Variants in SLC19A1 observed in about 807,000 individuals in gnomAD.
SLC19A1 encodes the protein solute carrier family 19 member 1.
In SLC19A1, 37 loss-of-function variants were observed where a neutral mutation model predicts 35.3. The observed-to-expected ratio is 1.05, with a 90% CI of 0.81 to 1.38. The LOEUF (loss-of-function observed/expected upper bound fraction) is 1.38. SLC19A1 is among the 40% of genes most tolerant of loss of function. SLC19A1 has a pLI of 0.00. For missense variants in SLC19A1, 831 were observed against 826.9 expected (o/e 1.00, Z -0.06); for synonymous variants, 460 against 398.5 (o/e 1.15, Z -1.84).
chr21:45,530,644 G>A lies in SLC19A1; in HGVS notation c.1151+126C>T, dbSNP rs932798582. ...AAGTGGGGACCCTGGTCAGCTCCAG[G>A]TGGCTGGCGGGGCCAGCAGTGGCAC... On this transcript the variant is annotated intron_variant, in intron 4 of 5. Transcript: ENST00000311124. This position sits in a 1 kb window ranked among gnomAD's most constrained non-coding sequence, Gnocchi z 5.3. The A allele has an allele frequency of 3.6e-5, 36 of 986,828 alleles. No homozygotes were observed. In the African/African-American group the frequency reaches 5.9e-4, roughly 16 times the overall value. The allele number at this position is 986,828 out of a possible 1,614,324, so 61.1% of individuals were successfully genotyped here.
chr21:45,510,772 C>T (rs2146132161), downstream of SLC19A1, among the ~76,000 whole-genome samples: 1 of 152,290 alleles, frequency 6.6e-6, no homozygotes, highest in Middle Eastern at 3.4e-3. Flanking sequence ...GGTCAGAGAC[C>T]CAGGGCTGGG....
Position 45,515,862 on chromosome 21 carries a change from G to T in SLC19A1, c.1572C>A (p.Tyr524Ter). Reference protein sequence around the residue: ...ASLEQRQSDPYLAQAPAPQAA... With the variant: ...ASLEQRQSDP Reference sequence around the variant, plus strand: ...CCTGCGGGGCCGGGGCCTGGGCCAGGTATGGGTCGCTCTGTCTCTGCTCCA... The same window carrying T: ...CCTGCGGGGCCGGGGCCTGGGCCAGTTATGGGTCGCTCTGTCTCTGCTCCA... The change falls in exon 6 of 6, where the codon TAC (tyrosine) becomes TAA (stop). Residue 524 changes from tyrosine (Y) to a stop codon, truncating the protein, a stop_gained. Transcript: ENST00000311124. LOFTEE classifies it low-confidence loss of function (END_TRUNC). The T allele has an allele frequency of 6.3e-7, 1 of 1,589,742 alleles. No individual in the cohort carries two copies. The highest frequency in any genetic ancestry group is 1.1e-5 in the South Asian group (1 of 87,974).
intron 1 of SLC19A1, among the ~76,000 whole-genome samples, chr21:45,556,160 C>A (rs947359220): frequency 2.0e-5 from 3 of 152,350 alleles, no homozygotes; most frequent in East Asian, 1.9e-4. Flanking sequence ...CCGTTCCAGT[C>A]CCCGGAAGAG....
chr21:45,508,124 CGGGT>C (rs2037337410), downstream of SLC19A1, among the ~76,000 whole-genome samples: 1 of 100,826 alleles, frequency 9.9e-6, no homozygotes, highest in Non-Finnish European at 2.0e-5. Context: ...GGTGAGTGGA[CGGGT>C]GGGTGGGTGG....
At position 45,530,084 on chromosome 21, in the gene SLC19A1, G is replaced by A. The variant is rs921554962; in HGVS notation, c.1151+686C>T. Among the ~76,000 whole-genome samples the A allele has an allele frequency of 9.3e-5, 14 of 149,838 alleles. No individual in the cohort carries two copies. Among genetic ancestry groups the A allele is most frequent in the South Asian group, 2.1e-4 (1 of 4,662 alleles). ...ATCTGTGAGCATGTGGTGTGTGTTC[G>A]TGTGTGGTGTGTCTGTGTGGTGTAT... On this transcript the variant is annotated intron_variant, in intron 4 of 5. Transcript: ENST00000311124. This position sits in a 1 kb window ranked among gnomAD's most constrained non-coding sequence, Gnocchi z 5.3.
intron 5 of SLC19A1, among the ~76,000 whole-genome samples, chr21:45,523,282 G>A (rs565382991): frequency 3.3e-5 from 5 of 152,316 alleles, no homozygotes; most frequent in Admixed American, 2.6e-4. Context: ...GTCCAGCCAT[G>A]AGCAAAATGC....
rs1420163735 is a variant in SLC19A1, at chr21:45,512,852, A to ACACT, written c.*2802_*2805dup. On this transcript the variant is annotated 3_prime_UTR_variant, in exon 6 of 6. Coordinates refer to ENST00000311124, the MANE Select transcript of SLC19A1 (RefSeq NM_194255.4). ...CCGTGAGGCAATGGGAGCTGAGGCC[A>ACACT]CACTCAGCACAAGGCCATCTGGGCT... is the stretch of plus-strand genomic sequence containing the variant. 4.4e-5 allele frequency: 12 copies of ACACT among 274,600 alleles called. No homozygotes were observed. The East Asian group carries it at 5.1e-4, about 12-fold the overall frequency. The allele number at this position is 274,600 out of a possible 1,614,324, so 17.0% of individuals were successfully genotyped here.
In SLC19A1 at chr21:45,552,059, C is replaced by T. The variant is rs566961521; in HGVS notation, c.-50+10683G>A. On this transcript the variant is annotated intron_variant, in intron 1 of 5. Transcript: ENST00000650808. ...AGAGCATGGGGTGGAATTTGCTTTT[C>T]TACAAAAGGTGTCTGCCCGAGTGTC... is the stretch of plus-strand genomic sequence containing the variant. Among the ~76,000 whole-genome samples the T allele has an allele frequency of 2.0e-4, 30 of 152,270 alleles. No individual in the cohort carries two copies. The South Asian group carries it at 2.9e-3, about 15-fold the overall frequency.
chr21:45,534,949 G>C lies in SLC19A1; in HGVS notation c.190-2801C>G, dbSNP rs765267051. On this transcript the variant is annotated intron_variant, in intron 2 of 5. Transcript: ENST00000311124. The surrounding 1 kb of genome is among the most constrained non-coding windows in gnomAD (Gnocchi z 4.2). ...GTCCAGGCTGAATGGGCAGAGTGCA[G>C]GCAGCTGCGCCCAAATCTACGTCCA... 3.3e-5 allele frequency among the ~76,000 whole-genome samples: 5 copies of C among 152,274 alleles called. No homozygotes were observed. The highest frequency in any genetic ancestry group is 7.3e-5 in the Non-Finnish European group (5 of 68,046).
intron 5 of SLC19A1, 74 bp from the exon 6 acceptor site, chr21:45,516,214 G>T: frequency 8.5e-7 from 1 of 1,177,434 alleles, no homozygotes; most frequent in Non-Finnish European, 1.2e-6. Flanking sequence ...CCCGACGCCT[G>T]CTCCCAGGCT....
chr21:45,512,230 C>G (rs753224278), downstream of SLC19A1: 6 of 1,612,382 alleles, frequency 3.7e-6, no homozygotes, highest in East Asian at 6.7e-5. Flanking sequence ...CCAACGGGCG[C>G]AGGCTGACCG....
rs376457427 is a variant in SLC19A1, at chr21:45,504,380, T to C, written c.498-5768A>G. 10 of 1,602,022 alleles carry C rather than the reference T, an allele frequency of 6.2e-6. No individual in the cohort carries two copies. In the African/African-American group the frequency reaches 1.3e-4, roughly 21 times the overall value. ...GAGGCCACCTGTGGCTTGTAGGGGT[T>C]CAGGGCTCCCGTGTAACAAGTGTTT... On this transcript the variant is annotated intron_variant, in intron 3 of 4. Coordinates refer to the SLC19A1 transcript ENST00000417954.
chr21:45,558,118 C>T (rs1265151101), intron 1 of SLC19A1, among the ~76,000 whole-genome samples: 2 of 152,250 alleles, frequency 1.3e-5, no homozygotes, highest in East Asian at 3.8e-4. Context: ...TTAGCACGTC[C>T]CGTGCTGACG....
chr21:45,547,296 A>T (rs927857329), upstream of SLC19A1, among the ~76,000 whole-genome samples: 2 of 152,210 alleles, frequency 1.3e-5, no homozygotes, highest in African/African-American at 4.8e-5. Context: ...TAAACTTCTA[A>T]GCCCCCAACC....
At chr21:45,537,125 C>T (rs1405750207) in intron 2 of SLC19A1, among the ~76,000 whole-genome samples, 4 of 152,314 alleles carry the variant, frequency 2.6e-5, no homozygotes, top group South Asian at 2.1e-4. Context: ...CAGGGTTGGA[C>T]GTGGGCTTCC....
At position 45,515,442 on chromosome 21, in the gene SLC19A1, G is replaced by A. The variant is rs1487205813; in HGVS notation, c.*216C>T. On this transcript the variant is annotated 3_prime_UTR_variant, in exon 6 of 6. Transcript: ENST00000311124. Reference sequence around the variant, plus strand: ...CTCTTCCAGCAACAAAGCCCGCGGGGCACAGTGCAGGGACAGCATGGCCAG... The same window carrying A: ...CTCTTCCAGCAACAAAGCCCGCGGGACACAGTGCAGGGACAGCATGGCCAG... 12 of 1,463,684 alleles carry A rather than the reference G, an allele frequency of 8.2e-6. No individual in the cohort carries two copies. The African/African-American group carries it at 1.4e-4, about 17-fold the overall frequency. The allele number at this position is 1,463,684 out of a possible 1,614,324, so 90.7% of individuals were successfully genotyped here.
At chr21:45,516,471 T>C (rs943229284) in intron 5 of SLC19A1, among the ~76,000 whole-genome samples, 3 of 152,188 alleles carry the variant, frequency 2.0e-5, no homozygotes, top group Admixed American at 2.0e-4. Flanking sequence ...CCCATGGTGC[T>C]GAGACAGCGG....
chr21:45,527,614 G>GTGGCATGAA, intron 4 of SLC19A1, among the ~76,000 whole-genome samples: 1 of 79,110 alleles, frequency 1.3e-5, no homozygotes, highest in African/African-American at 4.8e-5. Flanking sequence ...GAGGTGAGTG[G>GTGGCATGAA]CAGCCAGGCA....
intron 1 of SLC19A1, among the ~76,000 whole-genome samples, chr21:45,550,753 CGCAGTAGT>C (rs953713212): frequency 5.3e-5 from 8 of 152,180 alleles, no homozygotes; most frequent in African/African-American, 1.9e-4. Context: ...AATTTTCACA[CGCAGTAGT>C]GCAGGGGCGT....
Sources: allele counts gnomAD v4.1 joint callset (sites outside exome capture counted in the v4.1 genomes callset), GRCh38; gene constraint gnomAD v4.1.1; non-coding constraint Gnocchi (gnomAD v3.1); transcripts MANE v1.5; gene names NCBI Gene and HGNC (gene_info 2026-07-23, HGNC 2026-07-21).